The following TMEM132D variants were observed in gnomAD, a reference collection of about 807,000 sequenced individuals.
The protein encoded by TMEM132D is transmembrane protein 132D.
A neutral mutation model predicts 62.3 loss-of-function variants in TMEM132D; 21 were observed. The ratio of observed to expected loss-of-function variants is 0.34; its 90% confidence interval spans 0.24 to 0.49. The LOEUF is 0.49. Among genes scored for constraint, TMEM132D ranks in the 20% least tolerant of loss-of-function variants. The pLI is 0.99. For synonymous variants in TMEM132D, 621 were observed against 575.6 expected (o/e 1.08, Z -1.13); for missense variants, 1,346 against 1,402.8 (o/e 0.96, Z 0.65).
At chr12:129,801,033 G>C (rs1268803736) in intron 1 of TMEM132D, among the ~76,000 whole-genome samples, 1 of 152,214 alleles carries the variant, frequency 6.6e-6, no homozygotes, top group Non-Finnish European at 1.5e-5. Context: ...CGCACCAGGA[G>C]ATTATATCCC....
rs974394804 is a variant in TMEM132D, at chr12:129,353,889, T to A, written c.1116-16072A>T. ...ACAGGTGTGGATTTGGAGGCATCTC[T>A]CGGAGGTCTAATCTTCTCGCACGGA... is the stretch of plus-strand genomic sequence containing the variant. On this transcript the variant is annotated intron_variant, in intron 3 of 8. Transcript: ENST00000422113. Among the ~76,000 whole-genome samples, 4 of 152,114 alleles carry A rather than the reference T, an allele frequency of 2.6e-5. 1 individual carries two copies. The Middle Eastern group carries it at 0.014, about 517-fold the overall frequency.
At chr12:129,828,102 C>A (rs1249384947) in intron 1 of TMEM132D, among the ~76,000 whole-genome samples, 2 of 152,100 alleles carry the variant, frequency 1.3e-5, no homozygotes, top group East Asian at 3.9e-4. Context: ...GTATGCAAAT[C>A]ATATGCAAAG....
intron 1 of TMEM132D, among the ~76,000 whole-genome samples, chr12:129,839,732 C>A (rs932380413): frequency 6.6e-6 from 1 of 152,210 alleles, no homozygotes; most frequent in African/African-American, 2.4e-5. Flanking sequence ...CAGTCCATAG[C>A]AGGTCACTTG....
chr12:129,513,845 T>TTTATTTA (rs1176342895), intron 3 of TMEM132D, among the ~76,000 whole-genome samples: 3 of 137,030 alleles, frequency 2.2e-5, no homozygotes, highest in Non-Finnish European at 4.7e-5. Flanking sequence ...TATTTATTTA[T>TTTATTTA]TTATTTTTTT....
chr12:129,360,519 G>A lies in TMEM132D; in HGVS notation c.1116-22702C>T, dbSNP rs1265183252. 2.6e-5 allele frequency among the ~76,000 whole-genome samples: 4 copies of A among 152,258 alleles called. No homozygotes were observed. The South Asian group carries it at 8.3e-4, about 32-fold the overall frequency. On this transcript the variant is annotated intron_variant, in intron 3 of 8. Transcript: ENST00000422113. ...TAAAAGAGACGAGGGGAGCAGGCAG[G>A]GATTCTTTGCTCTTTTCACAATGGG...
chr12:129,349,910 T>C (rs1296489127), intron 3 of TMEM132D, among the ~76,000 whole-genome samples: 4 of 152,168 alleles, frequency 2.6e-5, no homozygotes, highest in Admixed American at 6.5e-5. Context: ...TCTTCAGCCC[T>C]AGGAATTCAG....
At chr12:129,258,098 C>T (rs1270234769) in intron 4 of TMEM132D, among the ~76,000 whole-genome samples, 1 of 152,188 alleles carries the variant, frequency 6.6e-6, no homozygotes, top group Non-Finnish European at 1.5e-5. Flanking sequence ...AAACTAGACA[C>T]ATGTGCTGGA....
chr12:129,436,034 A>G (rs1417535812), intron 3 of TMEM132D, among the ~76,000 whole-genome samples: 1 of 152,170 alleles, frequency 6.6e-6, no homozygotes, highest in Non-Finnish European at 1.5e-5. Context: ...CTCAACTGAC[A>G]TGTGTAATTT....
intron 3 of TMEM132D, among the ~76,000 whole-genome samples, chr12:129,351,987 T>C (rs752563086): frequency 3.9e-5 from 6 of 152,158 alleles, no homozygotes; most frequent in Non-Finnish European, 7.3e-5. Flanking sequence ...TCCTCATCCC[T>C]CTGCAACTCT....
At chr12:129,275,253 C>T (rs1880973408) in intron 4 of TMEM132D, among the ~76,000 whole-genome samples, 2 of 151,862 alleles carry the variant, frequency 1.3e-5, no homozygotes, top group African/African-American at 4.8e-5. Context: ...TGCACTACAG[C>T]CTGGGTGACA....
At chr12:129,087,977 CCGGGTGTCCTCCA>C (rs1458076044) in intron 5 of TMEM132D, among the ~76,000 whole-genome samples, 2 of 117,328 alleles carry the variant, frequency 1.7e-5, no homozygotes, top group East Asian at 8.6e-4. Context: ...TCCTCCATGA[CCGGGTGTCCTCCA>C]TGACCGGGGT....
At chr12:129,082,162 G>T in intron 6 of TMEM132D, 130 bp from the exon 7 acceptor site, 1 of 1,164,350 alleles carries the variant, frequency 8.6e-7, no homozygotes, top group Non-Finnish European at 1.2e-6. Context: ...AGCCAGACAT[G>T]CAGAGGTGAA....
intron 4 of TMEM132D, among the ~76,000 whole-genome samples, chr12:129,298,400 T>C (rs982116384): frequency 3.3e-5 from 5 of 152,252 alleles, no homozygotes; most frequent in African/African-American, 1.2e-4. Context: ...ATATATGTTG[T>C]ATAATGGTCA....
chr12:129,302,669 G>GGTC (rs1340851344), intron 4 of TMEM132D, among the ~76,000 whole-genome samples: 2 of 152,200 alleles, frequency 1.3e-5, no homozygotes, highest in African/African-American at 4.8e-5. Flanking sequence ...CCACTGGAGC[G>GGTC]TATTTTTCTC....
intron 3 of TMEM132D, among the ~76,000 whole-genome samples, chr12:129,366,385 G>A (rs764757238): frequency 5.3e-5 from 8 of 152,112 alleles, no homozygotes; most frequent in Middle Eastern, 3.2e-3. Context: ...GTTTAAAAGC[G>A]TGTGGCACCT....
rs189016118 is a variant in TMEM132D, at chr12:129,769,307, G to A, written c.80-68609C>T. 7.4e-3 allele frequency among the ~76,000 whole-genome samples: 1,133 copies of A among 152,246 alleles called. 13 individuals are homozygous for A. Among genetic ancestry groups the A allele is most frequent in the African/African-American group, 0.026 (1,096 of 41,526 alleles). On this transcript the variant is annotated intron_variant, in intron 1 of 8. Coordinates refer to ENST00000422113, the MANE Select transcript of TMEM132D (RefSeq NM_133448.3). ...CTCACAATCATGGCAGAAGGCAAAA[G>A]TCATGTCTTACATGGCAGCAGGCAA...
At position 129,513,544 on chromosome 12, in the gene TMEM132D, G is replaced by A. The variant is rs1375270324; in HGVS notation, c.1115+17515C>T. 3.3e-5 allele frequency among the ~76,000 whole-genome samples: 5 copies of A among 152,198 alleles called. 1 individual carries two copies. Among genetic ancestry groups the A allele is most frequent in the Admixed American group, 3.3e-4 (5 of 15,290 alleles). On this transcript the variant is annotated intron_variant, in intron 3 of 8. Coordinates refer to ENST00000422113, the MANE Select transcript of TMEM132D (RefSeq NM_133448.3). ...CTGTCGCCCGGGCTGGAGTGCAGTG[G>A]CGCGATCTCGGCTCACTGCAAGCTT...
chr12:129,466,306 T>TCC, intron 3 of TMEM132D, among the ~76,000 whole-genome samples: 1 of 34,460 alleles, frequency 2.9e-5, no homozygotes, highest in South Asian at 8.3e-4. Flanking sequence ...TTTTTTTTTT[T>TCC]TTTTTTTTTT....
At chr12:129,082,843 C>T (rs993094003) in intron 6 of TMEM132D, among the ~76,000 whole-genome samples, 1 of 152,232 alleles carries the variant, frequency 6.6e-6, no homozygotes, top group African/African-American at 2.4e-5. Context: ...AATCCTTCCA[C>T]TCCAGCCTCC....
Sources: gnomAD v4.1 joint callset for allele counts (sites outside exome capture counted in the v4.1 genomes callset) on GRCh38, gnomAD v4.1.1 for gene constraint, MANE v1.5 for transcripts, NCBI Gene and HGNC (gene_info 2026-07-23, HGNC 2026-07-21) for gene names.